The following PRSS12 variants were observed in gnomAD, a reference collection of about 807,000 sequenced individuals.
PRSS12 encodes the protein neurotrypsin.
Under a neutral mutation model 104.4 loss-of-function variants are expected in PRSS12, and 85 were observed. The observed-to-expected ratio is 0.81, with a 90% CI of 0.68 to 0.98. The LOEUF (loss-of-function observed/expected upper bound fraction) is 0.98. Ranked by LOEUF, PRSS12 falls within the 50% of genes least tolerant of loss-of-function variation. PRSS12 has a pLI of 0.00. For missense variants in PRSS12, 1,141 were observed against 1,139.2 expected (o/e 1.00, Z -0.02); for synonymous variants, 454 against 425.2 (o/e 1.07, Z -0.83).
At chr4:118,291,741 G>C (rs1743132563) in intron 11 of PRSS12, among the ~76,000 whole-genome samples, 3 of 152,072 alleles carry the variant, frequency 2.0e-5, no homozygotes, top group Admixed American at 6.6e-5. Flanking sequence ...TCACTGCTTT[G>C]TCTGGACACC....
chr4:118,290,970 A>C (rs775874856), intron 11 of PRSS12, among the ~76,000 whole-genome samples: 2 of 152,106 alleles, frequency 1.3e-5, no homozygotes, highest in Non-Finnish European at 2.9e-5. Context: ...TTGGTAACAC[A>C]GACCAATTTG....
intron 8 of PRSS12, among the ~76,000 whole-genome samples, chr4:118,299,628 C>G (rs187737395): frequency 6.7e-6 from 1 of 148,796 alleles, no homozygotes; most frequent in African/African-American, 2.5e-5. Flanking sequence ...TGCAGTGAGC[C>G]GAGATCGTGC....
intron 12 of PRSS12, among the ~76,000 whole-genome samples, 157 bp downstream of exon 12, chr4:118,282,674 G>A (rs1350502112): frequency 6.6e-6 from 1 of 152,152 alleles, no homozygotes; most frequent in Non-Finnish European, 1.5e-5. Flanking sequence ...AATACCTCCA[G>A]AATATAAGTC....
intron 2 of PRSS12, among the ~76,000 whole-genome samples, chr4:118,336,784 G>T (rs1724074657): frequency 6.6e-6 from 1 of 152,080 alleles, no homozygotes; most frequent in African/African-American, 2.4e-5. Flanking sequence ...GCACAAATAG[G>T]TATGTATATA....
rs775019890 is a variant in PRSS12, at chr4:118,282,182, A to C, written c.2382T>G (p.Cys794Trp). Reference protein sequence around the residue: ...AAIPLLPKRFCEERYKGRFTG... With the variant: ...AAIPLLPKRFWEERYKGRFTG... ...TAAACCGACCCTTATAACGTTCTTCACAAAACCTTTTAGGAAGTAAGGGAA... is the reference window on the plus strand; with the variant it reads ...TAAACCGACCCTTATAACGTTCTTCCCAAAACCTTTTAGGAAGTAAGGGAA... Residue 794 changes from cysteine (C) to tryptophan (W), a missense_variant, in exon 13 of 13, where the codon TGT becomes TGG. Transcript: ENST00000296498. The C allele has an allele frequency of 3.1e-6, 5 of 1,614,236 alleles. No homozygotes were observed. The Admixed American group carries it at 8.3e-5, about 27-fold the overall frequency.
At chr4:118,302,716 C>T (rs528970352) in intron 8 of PRSS12, among the ~76,000 whole-genome samples, 37 of 152,270 alleles carry the variant, frequency 2.4e-4, no homozygotes, top group East Asian at 1.9e-4. Context: ...CGTGAGCCAC[C>T]GTGCCCAGCT....
intron 1 of PRSS12, among the ~76,000 whole-genome samples, chr4:118,345,611 C>T (rs137857050): frequency 2.7e-3 from 414 of 152,230 alleles, no homozygotes; most frequent in African/African-American, 9.6e-3. Context: ...GCATTCTCAT[C>T]AATTATGGAA....
intron 8 of PRSS12, among the ~76,000 whole-genome samples, chr4:118,305,369 C>A (rs1743521054): frequency 6.6e-6 from 1 of 152,012 alleles, no homozygotes; most frequent in Non-Finnish European, 1.5e-5. Context: ...TCTTTTGATG[C>A]TTTTCTTGAT....
intron 1 of PRSS12, 126 bp from the exon 2 acceptor site, chr4:118,338,440 T>TC: frequency 8.2e-7 from 1 of 1,218,224 alleles, no homozygotes; most frequent in East Asian, 2.5e-5. Context: ...TGATTTAGCC[T>TC]CCACTGTGTG....
At chr4:118,303,516 CT>C (rs1172518741) in intron 8 of PRSS12, 1 of 152,096 alleles carries the variant, frequency 6.6e-6, no homozygotes, top group Non-Finnish European at 1.5e-5. Flanking sequence ...CTTTTGACTA[CT>C]CTTTCTTTAA....
rs1456013278 is a variant in PRSS12 at position 118,300,029 on chromosome 4, A to AAGACAC, written c.1632-1097_1632-1092dup. 1.2e-4 allele frequency among the ~76,000 whole-genome samples: 18 copies of AAGACAC among 148,038 alleles called. 1 individual carries two copies. The highest frequency in any genetic ancestry group is 2.1e-4 in the Non-Finnish European group (14 of 67,306). ...TTATATTTATTTACTTTTTTTTTTTAAGACACAGTCTCACTTTGTCACCCA... is the reference window on the plus strand; with the variant it reads ...TTATATTTATTTACTTTTTTTTTTTAAGACACAGACACAGTCTCACTTTGTCACCCA... On this transcript the variant is annotated intron_variant, in intron 8 of 12. Coordinates refer to ENST00000296498, the MANE Select transcript of PRSS12 (RefSeq NM_003619.4).
intron 8 of PRSS12, among the ~76,000 whole-genome samples, chr4:118,307,027 G>A (rs1255144073): frequency 6.6e-6 from 1 of 152,158 alleles, no homozygotes; most frequent in African/African-American, 2.4e-5. Flanking sequence ...GATTTTGGGT[G>A]AGGAAATGTA....
At chr4:118,312,407 T>C (rs990043585) in intron 7 of PRSS12, among the ~76,000 whole-genome samples, 3 of 151,946 alleles carry the variant, frequency 2.0e-5, no homozygotes, top group Admixed American at 6.6e-5. Flanking sequence ...CAGATAGATA[T>C]ATAATAAAGC....
At chr4:118,325,137 A>T (rs944201868) in intron 4 of PRSS12, among the ~76,000 whole-genome samples, 7 of 152,076 alleles carry the variant, frequency 4.6e-5, no homozygotes, top group African/African-American at 1.7e-4. Flanking sequence ...TTAACACAGG[A>T]ACAGAAAACC....
intron 1 of PRSS12, among the ~76,000 whole-genome samples, chr4:118,349,934 C>T (rs1284097926): frequency 1.3e-5 from 2 of 152,008 alleles, no homozygotes; most frequent in African/African-American, 2.4e-5. Context: ...ACCAGGGAGG[C>T]GGAGGTTGCA....
chr4:118,281,907 A>T lies in PRSS12; in HGVS notation c.*29T>A. On this transcript the variant is annotated 3_prime_UTR_variant, in exon 13 of 13. Coordinates refer to ENST00000296498, the MANE Select transcript of PRSS12 (RefSeq NM_003619.4). The stretch of plus-strand genomic sequence containing the variant: ...GGGGTTCAAAGTTTTCCATTTGTTT[A>T]AATGCTGCTTTGAAGTTTCCATGAA... 1 of 997,586 alleles carries T rather than the reference A, an allele frequency of 1.0e-6. No individual in the cohort carries two copies. Among genetic ancestry groups the T allele is most frequent in the Non-Finnish European group, 1.6e-6 (1 of 616,238 alleles). The allele number at this position is 997,586 out of a possible 1,614,324, so 61.8% of individuals were successfully genotyped here. A position where few individuals can be genotyped will look rare whatever the true frequency, so the allele number is the denominator to read the frequency against.
At chr4:118,331,636 T>C in intron 4 of PRSS12, 80 bp downstream of exon 4, 1 of 1,580,012 alleles carries the variant, frequency 6.3e-7, no homozygotes, top group Non-Finnish European at 8.7e-7. Flanking sequence ...ATGTGCAATT[T>C]AAACAAACAG....
Position 118,306,892 on chromosome 4 carries a change from G to T in PRSS12, c.1631+1544C>A, listed in dbSNP as rs181864534. 3.6e-3 allele frequency among the ~76,000 whole-genome samples: 540 copies of T among 152,066 alleles called. 1 individual carries two copies. Among genetic ancestry groups the T allele is most frequent in the African/African-American group, 0.013 (526 of 41,456 alleles). On this transcript the variant is annotated intron_variant, in intron 8 of 12. Transcript: ENST00000296498. Reference sequence around the variant, plus strand: ...GACACACAATTTGAAGGTCAACTTTGGTGCCAATCTTCCCCTTTGTATTTC... The same window carrying T: ...GACACACAATTTGAAGGTCAACTTTTGTGCCAATCTTCCCCTTTGTATTTC...
chr4:118,308,022 A>T (rs1399858487), intron 8 of PRSS12, among the ~76,000 whole-genome samples: 1 of 152,230 alleles, frequency 6.6e-6, no homozygotes, highest in African/African-American at 2.4e-5. Flanking sequence ...GCATTTGCTA[A>T]TTCAGTGTCC....
Sources: allele counts gnomAD v4.1 joint callset (sites outside exome capture counted in the v4.1 genomes callset), GRCh38; gene constraint gnomAD v4.1.1; transcripts MANE v1.5; gene names NCBI Gene and HGNC (gene_info 2026-07-23, HGNC 2026-07-21).